HERC2: variants seen among roughly 807,000 people sequenced by gnomAD.
The protein encoded by HERC2 is E3 ubiquitin-protein ligase HERC2.
HERC2 carries 102 observed loss-of-function variants against 537.7 expected under a neutral mutation model. That is an observed-to-expected ratio of 0.19 (90% confidence interval 0.16 to 0.22). The LOEUF (loss-of-function observed/expected upper bound fraction) is 0.22. Among genes scored for constraint, HERC2 ranks in the 10% least tolerant of loss-of-function variants. The probability of loss-of-function intolerance (pLI) is 1.00; values close to 1 mark genes in which losing one functional copy is unlikely to be tolerated. For missense variants in HERC2, 4,236 were observed against 6,198.2 expected (o/e 0.68, Z 10.63); for synonymous variants, 2,224 against 2,466.2 (o/e 0.90, Z 2.91).
intron 7 of HERC2, chr15:28,273,306 T>A (rs777919710): frequency 6.8e-6 from 3 of 439,586 alleles, no homozygotes; most frequent in African/African-American, 2.0e-5. Context: ...AGTAGAAGAA[T>A]ATCTAGCTAT....
chr15:28,181,944 T>C (rs1207522985), intron 57 of HERC2, among the ~76,000 whole-genome samples: 2 of 152,152 alleles, frequency 1.3e-5, no homozygotes, highest in African/African-American at 2.4e-5. Flanking sequence ...ACATGTGCAT[T>C]CTGCTTGTTT....
chr15:28,279,755 A>C (rs2075974698), intron 5 of HERC2, among the ~76,000 whole-genome samples: 1 of 152,080 alleles, frequency 6.6e-6, no homozygotes, highest in Non-Finnish European at 1.5e-5. Flanking sequence ...CAAGGTTACA[A>C]TGAGCTATGA....
intron 20 of HERC2, among the ~76,000 whole-genome samples, chr15:28,251,434 C>A (rs1369562508): frequency 2.0e-5 from 3 of 149,686 alleles, no homozygotes; most frequent in African/African-American, 7.4e-5. Flanking sequence ...CAGAGTGAGG[C>A]TCCATCTCGG....
intron 2 of HERC2, among the ~76,000 whole-genome samples, chr15:28,309,265 A>AG (rs1320212852): frequency 3.7e-4 from 57 of 152,292 alleles, no homozygotes; most frequent in African/African-American, 1.3e-3. Context: ...GGAGTGTTGA[A>AG]GCCTCCATCT....
chr15:28,306,452 G>T (rs1405073516), intron 2 of HERC2, among the ~76,000 whole-genome samples: 2 of 152,234 alleles, frequency 1.3e-5, no homozygotes, highest in African/African-American at 4.8e-5. Flanking sequence ...TGTTTTTAAT[G>T]TGTTGTTGAA....
At chr15:28,307,845 C>T (rs529453407) in intron 2 of HERC2, among the ~76,000 whole-genome samples, 1 of 152,178 alleles carries the variant, frequency 6.6e-6, no homozygotes, top group Non-Finnish European at 1.5e-5. Context: ...GTACCTTTGT[C>T]GAAAATGAGT....
chr15:28,249,814 AC>A (rs1310574814), intron 20 of HERC2, among the ~76,000 whole-genome samples: 2 of 143,914 alleles, frequency 1.4e-5, no homozygotes, highest in Non-Finnish European at 1.5e-5. Flanking sequence ...CGCCAAGCTA[AC>A]TTTTTTTTTT....
rs1189710951 is a variant in HERC2, at chr15:28,171,056, C to T, written c.10058-1401G>A. ...AAAATGGCACAGCCATTCTGGAAAA[C>T]GGCTTGGCAGTTTCTTATCAAACTA... is the stretch of plus-strand genomic sequence containing the variant. On this transcript the variant is annotated intron_variant, in intron 65 of 92. Coordinates refer to ENST00000261609, the MANE Select transcript of HERC2 (RefSeq NM_004667.6). 5.9e-5 allele frequency among the ~76,000 whole-genome samples: 9 copies of T among 152,300 alleles called. No individual in the cohort carries two copies. The South Asian group carries it at 1.2e-3, about 21-fold the overall frequency.
chr15:28,303,997 C>T (rs1385745858), intron 2 of HERC2, among the ~76,000 whole-genome samples: 2 of 152,046 alleles, frequency 1.3e-5, no homozygotes, highest in East Asian at 3.9e-4. Context: ...GAAACCCTGT[C>T]TCTACTAAAA....
At chr15:28,136,229 A>G (rs1890620599) in intron 78 of HERC2, among the ~76,000 whole-genome samples, 3 of 152,206 alleles carry the variant, frequency 2.0e-5, no homozygotes, top group Admixed American at 2.0e-4. Flanking sequence ...ACTAAATCAG[A>G]CTGCCGTTTT....
At chr15:28,214,399 G>A (rs1290295385) in intron 40 of HERC2, 127 bp from the exon 41 acceptor site, 30 of 980,392 alleles carry the variant, frequency 3.1e-5, no homozygotes, top group African/African-American at 4.8e-5. Context: ...GAAGGGAGAC[G>A]GCCATGCACC....
chr15:28,220,407 A>G (rs1900397120), intron 37 of HERC2, 45 bp downstream of exon 37: 1 of 1,556,806 alleles, frequency 6.4e-7, no homozygotes, highest in Admixed American at 1.7e-5. Flanking sequence ...GCACCTGGAC[A>G]GTTTGTGGGC....
chr15:28,133,402 G>A, intron 79 of HERC2, among the ~76,000 whole-genome samples: 1 of 152,086 alleles, frequency 6.6e-6, no homozygotes, highest in Middle Eastern at 3.2e-3. Context: ...CCCAGCTTGT[G>A]GTTTCAATCT....
In HERC2 at chr15:28,186,668, G is replaced by A. The variant is rs748634836; in HGVS notation, c.8734C>T (p.Arg2912Trp). Residue 2912 changes from arginine (R) to tryptophan (W), a missense_variant, in exon 56 of 93, where the codon CGG (arginine) becomes TGG (tryptophan). Around this residue, in one of 27 missense-constraint regions of HERC2, gnomAD observed 606 missense variants for 884.5 expected, o/e 0.69. Transcript: ENST00000261609. Reference protein sequence around the residue: ...CKIHGLILLGRIRAEEEDLAA... With the variant: ...CKIHGLILLGWIRAEEEDLAA... The stretch of plus-strand genomic sequence containing the variant: ...AAATCTTCCTCTTCTGCACGGATCC[G>A]TCCCAGCAGGATGAGACCATGGATT... 5.1e-5 allele frequency: 82 copies of A among 1,613,788 alleles called. No individual in the cohort carries two copies. The highest frequency in any genetic ancestry group is 1.0e-4 in the Admixed American group (6 of 59,988).
intron 69 of HERC2, 64 bp downstream of exon 69, chr15:28,163,030 G>A: frequency 1.5e-6 from 2 of 1,375,154 alleles, no homozygotes; most frequent in Non-Finnish European, 2.0e-6. Context: ...CTCTCCTTTG[G>A]AGAGGAGGGT....
At chr15:28,214,383 C>A in intron 40 of HERC2, 111 bp from the exon 41 acceptor site, 1 of 1,042,284 alleles carries the variant, frequency 9.6e-7, no homozygotes, top group Non-Finnish European at 1.5e-6. Context: ...TTCACCAGGG[C>A]ACAGGGAAGG....
intron 2 of HERC2, among the ~76,000 whole-genome samples, chr15:28,305,956 T>C (rs952295229): frequency 2.0e-5 from 3 of 152,164 alleles, no homozygotes; most frequent in African/African-American, 7.2e-5. Flanking sequence ...ATCAGAGAAA[T>C]GCAAATCAAA....
chr15:28,297,213 A>C (rs2076493200), intron 3 of HERC2, among the ~76,000 whole-genome samples: 1 of 152,166 alleles, frequency 6.6e-6, no homozygotes, highest in South Asian at 2.1e-4. Flanking sequence ...TTTTGCCCAG[A>C]ATCCTAGGAA....
chr15:28,224,110 A>G (rs1254872050), intron 35 of HERC2, among the ~76,000 whole-genome samples: 1 of 150,180 alleles, frequency 6.7e-6, no homozygotes, highest in African/African-American at 2.5e-5. Context: ...AACACAACAT[A>G]TAAATATATA....
Sources: allele counts gnomAD v4.1 joint callset (sites outside exome capture counted in the v4.1 genomes callset), GRCh38; gene constraint gnomAD v4.1.1; regional missense constraint gnomAD v4.1.1; transcripts MANE v1.5; gene names NCBI Gene and HGNC (gene_info 2026-07-23, HGNC 2026-07-21).